The following MRPL23 variants were observed in gnomAD, a reference collection of about 807,000 sequenced individuals.
MRPL23 encodes mitochondrial ribosomal protein L23.
For synonymous variants in MRPL23, 12 were observed against 34.8 expected (o/e 0.35, Z 2.30); for missense variants, 25 against 81.3 (o/e 0.31, Z 2.66).
rs144257708 is a variant in MRPL23, at chr11:1,956,321, C to T, written c.363C>T (p.Ser121=). The change falls in exon 5 of 5, where the codon AGC becomes AGT. Residue 121 remains serine, a synonymous_variant. Coordinates refer to ENST00000397298, the MANE Select transcript of MRPL23 (RefSeq NM_021134.4). ...AGAAAGACGAGAGCCCTGAAGGCAG[C>T]GCTGCCGACGACCTCTACAGCATGC... The part of the protein sequence containing the change: ...FPEKDESPEG[S]AADDLYSMLE... 51 of 1,555,920 alleles carry T rather than the reference C, an allele frequency of 3.3e-5. 7 individuals carry two copies. Among genetic ancestry groups the T allele is most frequent in the East Asian group, 4.6e-5 (2 of 43,142 alleles).
At chr11:1,988,812 G>A (rs759201421), downstream of MRPL23, among the ~76,000 whole-genome samples, 70 of 144,006 alleles carry the variant, frequency 4.9e-4, 5 homozygotes, top group Non-Finnish European at 1.6e-4. Context: ...AGGGCCCCTG[G>A]ACATCACTCA....
chr11:1,956,276 G>A lies in MRPL23; in HGVS notation c.318G>A (p.Thr106=), dbSNP rs757659559. The part of the protein sequence containing the change: ...YVQLAHGQTF[T]FPDLFPEKDE... ...CTTAGGCCCATGGACAGACCTTCACGTTCCCAGATCTGTTTCCCGAGAAAG... is the reference window on the plus strand; with the variant it reads ...CTTAGGCCCATGGACAGACCTTCACATTCCCAGATCTGTTTCCCGAGAAAG... The change falls in exon 5 of 5, where the codon ACG becomes ACA. Residue 106 remains threonine, a synonymous_variant. Transcript: ENST00000397298. 4.6e-6 allele frequency: 7 copies of A among 1,527,012 alleles called. 1 individual carries two copies. Among genetic ancestry groups the A allele is most frequent in the African/African-American group, 1.4e-5 (1 of 72,724 alleles). 94.6% of individuals were successfully genotyped at this position (1,527,012 alleles called of 1,614,324 possible).
Position 1,950,901 on chromosome 11 carries a change from AC to A in MRPL23, c.25del (p.Leu9CysfsTer40). The A allele has an allele frequency of 5.2e-6, 1 of 192,100 alleles. No homozygotes were observed. The allele number at this position is 192,100 out of a possible 1,614,324, so 11.9% of individuals were successfully genotyped here. On this transcript the variant is annotated frameshift_variant, in exon 2 of 5. Coordinates refer to ENST00000397298, the MANE Select transcript of MRPL23 (RefSeq NM_021134.4). LOFTEE classifies it high-confidence loss of function. Reference sequence around the variant, plus strand: ...TGGACCCAATCTCTTCTGTACAGGTACCCCCTGTACCGGCTGGGTGGCCCAC... The same window carrying A: ...TGGACCCAATCTCTTCTGTACAGGTACCCCTGTACCGGCTGGGTGGCCCAC... MARNVV[Y>X]PLYRLGGPQL...
chr11:1,983,588 T>G (rs1856775175), intron 5 of MRPL23: 1 of 120,614 alleles, frequency 8.3e-6, no homozygotes, highest in Non-Finnish European at 1.8e-5. Flanking sequence ...CTGCCTGGGG[T>G]ATCTGGGGGT....
chr11:1,959,995 C>A (rs921674096), downstream of MRPL23, among the ~76,000 whole-genome samples: 1 of 124,766 alleles, frequency 8.0e-6, no homozygotes, highest in Non-Finnish European at 1.8e-5. Flanking sequence ...CATTTATTGC[C>A]ATGCAGGGGT....
intron 4 of MRPL23, among the ~76,000 whole-genome samples, chr11:1,971,306 CT>C (rs1214900738): frequency 8.4e-5 from 9 of 107,350 alleles, no homozygotes; most frequent in Non-Finnish European, 2.3e-5. Context: ...CAGTGCGCCC[CT>C]GGAACTCCTC....
downstream of MRPL23, among the ~76,000 whole-genome samples, chr11:1,959,967 C>T (rs79636168): frequency 3.6e-4 from 47 of 131,546 alleles, 2 homozygotes; most frequent in African/African-American, 7.1e-4. Context: ...AGCGCTGCTC[C>T]GTGTCCCCAT....
chr11:1,971,027 C>T (rs1249084481), intron 4 of MRPL23, among the ~76,000 whole-genome samples: 2 of 135,518 alleles, frequency 1.5e-5, no homozygotes, highest in Non-Finnish European at 3.3e-5. Context: ...CATCCCGATC[C>T]GGGCCAAGTC....
the MRPL23 span, among the ~76,000 whole-genome samples, chr11:1,994,551 C>T: frequency 1.0e-5 from 1 of 96,808 alleles, no homozygotes; most frequent in South Asian, 4.3e-4. Context: ...GCCCCAAGGC[C>T]ACCTGCCCAC....
At chr11:1,977,707 A>ATGGCTCCG (rs985382617), downstream of MRPL23, among the ~76,000 whole-genome samples, 3 of 81,760 alleles carry the variant, frequency 3.7e-5, no homozygotes, top group East Asian at 4.0e-4. Context: ...TGTGTGCTCC[A>ATGGCTCCG]TGGCTCCGTG....
At chr11:1,983,267 C>G (rs534295132) in intron 5 of MRPL23, 1 of 6,424 alleles carries the variant, frequency 1.6e-4, no homozygotes, top group South Asian at 2.7e-3. Context: ...TGGCTCTGCC[C>G]GGCTGCCCCG....
At chr11:1,963,685 CG>C (rs1305888771), downstream of MRPL23, among the ~76,000 whole-genome samples, 1 of 145,164 alleles carries the variant, frequency 6.9e-6, no homozygotes, top group East Asian at 2.0e-4. Context: ...CCCGGTCACG[CG>C]ATGCTGCTCG....
At chr11:1,988,813 A>G (rs557980105), downstream of MRPL23, among the ~76,000 whole-genome samples, 8 of 143,902 alleles carry the variant, frequency 5.6e-5, 2 homozygotes, top group African/African-American at 2.0e-4. Flanking sequence ...GGGCCCCTGG[A>G]CATCACTCAC....
At chr11:1,988,915 C>G (rs1635151), downstream of MRPL23, among the ~76,000 whole-genome samples, 6 of 145,462 alleles carry the variant, frequency 4.1e-5, no homozygotes, top group East Asian at 2.0e-4. Flanking sequence ...CCCGCTTGCC[C>G]CACAGACGGG....
chr11:1,994,131 C>T, the MRPL23 span, among the ~76,000 whole-genome samples: 1 of 71,424 alleles, frequency 1.4e-5, no homozygotes, highest in African/African-American at 3.4e-5. Flanking sequence ...CTTTGTCAGT[C>T]GGGGAGGAAT....
chr11:1,994,489 C>A, the MRPL23 span, among the ~76,000 whole-genome samples: 2 of 95,008 alleles, frequency 2.1e-5, no homozygotes, highest in African/African-American at 5.6e-5. Context: ...CCTGTGGCCA[C>A]CCTCAACTTC....
chr11:1,959,244 G>A (rs1001991253), downstream of MRPL23, among the ~76,000 whole-genome samples: 2 of 61,286 alleles, frequency 3.3e-5, no homozygotes, highest in African/African-American at 5.0e-5. Flanking sequence ...GCAGAGGAGC[G>A]CGGAGCAGGC....
downstream of MRPL23, among the ~76,000 whole-genome samples, chr11:1,958,804 CCTT>C (rs777590452): frequency 5.2e-4 from 15 of 29,110 alleles, 7 homozygotes; most frequent in Non-Finnish European, 1.8e-3. Context: ...CACTGGGCAT[CCTT>C]CTGCATGGCA....
At chr11:1,971,236 G>A (rs1590056204) in intron 4 of MRPL23, among the ~76,000 whole-genome samples, 1 of 109,630 alleles carries the variant, frequency 9.1e-6, no homozygotes, top group African/African-American at 2.6e-5. Flanking sequence ...CAAGCCGCCA[G>A]CCCGAAGCCA....
Sources: gnomAD v4.1 joint callset for allele counts (sites outside exome capture counted in the v4.1 genomes callset) on GRCh38, gnomAD v4.1.1 for gene constraint, MANE v1.5 for transcripts, NCBI Gene and HGNC (gene_info 2026-07-23, HGNC 2026-07-21) for gene names.